MYT1L: variants seen among roughly 807,000 people sequenced by gnomAD.
The protein encoded by MYT1L is myelin transcription factor 1 like.
A neutral mutation model predicts 126.7 loss-of-function variants in MYT1L; 12 were observed. The observed-to-expected ratio is 0.09, with a 90% CI of 0.06 to 0.15. The LOEUF is 0.15. Among genes scored for constraint, MYT1L ranks in the 10% least tolerant of loss-of-function variants. The pLI, the probability that MYT1L is intolerant of heterozygous loss-of-function variation, is 1.00. For synonymous variants in MYT1L, 541 were observed against 604.2 expected (o/e 0.90, Z 1.53); for missense variants, 979 against 1,585.2 (o/e 0.62, Z 6.49).
At chr2:1,833,432 G>A (rs994007470) in intron 21 of MYT1L, among the ~76,000 whole-genome samples, 8 of 152,110 alleles carry the variant, frequency 5.3e-5, no homozygotes, top group African/African-American at 9.7e-5. Flanking sequence ...TGTTCACCGG[G>A]ACTGAGGACA....
At chr2:2,300,115 G>A (rs1367170987) in intron 1 of MYT1L, among the ~76,000 whole-genome samples, 2 of 152,196 alleles carry the variant, frequency 1.3e-5, no homozygotes, top group Non-Finnish European at 2.9e-5. Context: ...AAATTCTCCT[G>A]TGAAAATGTG....
At chr2:1,935,337 G>A (rs991849216) in intron 9 of MYT1L, among the ~76,000 whole-genome samples, 1 of 152,138 alleles carries the variant, frequency 6.6e-6, no homozygotes, top group Non-Finnish European at 1.5e-5. Flanking sequence ...AAAACACACC[G>A]TGTTTTGAAA....
chr2:1,895,783 A>AT (rs1558311905), intron 14 of MYT1L, among the ~76,000 whole-genome samples: 3 of 152,180 alleles, frequency 2.0e-5, no homozygotes, highest in African/African-American at 4.8e-5. Context: ...CTTGGCAAAT[A>AT]TTTTTTTTGA....
chr2:1,849,154 CAAAA>C (rs11332745), intron 19 of MYT1L, among the ~76,000 whole-genome samples: 2 of 145,440 alleles, frequency 1.4e-5, no homozygotes, highest in Admixed American at 6.9e-5. Context: ...CAACTCCCAC[CAAAA>C]AAAAAAAAAA....
chr2:2,059,259 C>A lies in MYT1L; in HGVS notation c.-303-5136G>T, dbSNP rs34296959. 2.3e-3 allele frequency among the ~76,000 whole-genome samples: 344 copies of A among 152,124 alleles called. 1 individual carries two copies. The highest frequency in any genetic ancestry group is 8.1e-3 in the African/African-American group (337 of 41,464). ...CTCTGGGTGAGGGCATCAACGGGGT[C>A]GCAACTGCTTTTCGCAGGATTGTTT... On this transcript the variant is annotated intron_variant, in intron 3 of 24. Transcript: ENST00000647738. This position sits in a 1 kb window ranked among gnomAD's most constrained non-coding sequence, Gnocchi z 4.7.
chr2:2,308,378 C>T (rs1271895514), intron 1 of MYT1L, among the ~76,000 whole-genome samples: 1 of 151,700 alleles, frequency 6.6e-6, no homozygotes, highest in Admixed American at 6.6e-5. Flanking sequence ...TATATTGTAC[C>T]CATACTCCAC....
At chr2:1,950,151 CT>C (rs36077813) in intron 8 of MYT1L, among the ~76,000 whole-genome samples, 18,593 of 151,848 alleles carry the variant, frequency 0.12, 1,318 homozygotes, top group East Asian at 0.31. Context: ...TTTTGAGTCA[CT>C]TGTGTAAAAT....
intron 8 of MYT1L, among the ~76,000 whole-genome samples, chr2:1,961,352 G>T (rs1286692190): frequency 6.6e-6 from 1 of 152,280 alleles, no homozygotes; most frequent in Non-Finnish European, 1.5e-5. Context: ...TGACTTGGAA[G>T]TCCAGCCCAC....
In MYT1L at chr2:2,304,689, T is replaced by G. The variant is rs558962520; in HGVS notation, c.-520-20186A>C. 5.3e-5 allele frequency among the ~76,000 whole-genome samples: 8 copies of G among 152,300 alleles called. No homozygotes were observed. The South Asian group carries it at 1.7e-3, about 32-fold the overall frequency. On this transcript the variant is annotated intron_variant, in intron 1 of 24. Transcript: ENST00000647738. ...AGCCCAGTCATAGGCAACACACAAA[T>G]GAATGGCCATGGCTGCTTCAGAAAA...
rs111573834 is a variant in MYT1L, at chr2:2,253,287, G to A, written c.-421+31117C>T. Among the ~76,000 whole-genome samples, 78 of 152,342 alleles carry A rather than the reference G, an allele frequency of 5.1e-4. 1 individual carries two copies. The highest frequency in any genetic ancestry group is 1.7e-3 in the African/African-American group (71 of 41,582). ...GGAGCCTCCCTTCTCTGGGAACAGGGCTCGCTGGCTTCCACACAGTGACTT... is the reference window on the plus strand; with the variant it reads ...GGAGCCTCCCTTCTCTGGGAACAGGACTCGCTGGCTTCCACACAGTGACTT... On this transcript the variant is annotated intron_variant, in intron 2 of 24. Coordinates refer to ENST00000647738, the MANE Select transcript of MYT1L (RefSeq NM_001303052.2).
chr2:2,283,980 C>T (rs867722203), intron 2 of MYT1L, among the ~76,000 whole-genome samples: 1 of 152,080 alleles, frequency 6.6e-6, no homozygotes, highest in African/African-American at 2.4e-5. Flanking sequence ...TGTGGCCTCA[C>T]CCAAAGCAGG....
At chr2:1,809,260 T>C in intron 21 of MYT1L, 93 bp from the exon 22 acceptor site, 1 of 1,226,538 alleles carries the variant, frequency 8.2e-7, no homozygotes, top group Non-Finnish European at 1.2e-6. Context: ...AATAGCATTA[T>C]TAGGTTGGTT....
chr2:1,987,606 A>G (rs1265532968), intron 5 of MYT1L, among the ~76,000 whole-genome samples: 3 of 152,162 alleles, frequency 2.0e-5, no homozygotes, highest in Non-Finnish European at 2.9e-5. Context: ...CATCTGTTCC[A>G]AGCTGGTTCT....
At chr2:2,303,283 T>C (rs909139461) in intron 1 of MYT1L, among the ~76,000 whole-genome samples, 5 of 152,202 alleles carry the variant, frequency 3.3e-5, no homozygotes, top group African/African-American at 9.6e-5. Flanking sequence ...CATGCTCGGC[T>C]TGGCGGGCCG....
intron 9 of MYT1L, among the ~76,000 whole-genome samples, chr2:1,937,292 C>T (rs894310261): frequency 7.2e-5 from 11 of 152,244 alleles, no homozygotes; most frequent in Admixed American, 2.0e-4. Context: ...TCAAGAAGTT[C>T]CTAACGTCCG....
chr2:2,009,563 T>C (rs144721935), intron 4 of MYT1L, among the ~76,000 whole-genome samples: 85 of 152,382 alleles, frequency 5.6e-4, no homozygotes, highest in Admixed American at 2.5e-3. Context: ...TTCTGCAACT[T>C]TGCCGAATTC....
chr2:2,101,094 A>C (rs1225075060), intron 3 of MYT1L, among the ~76,000 whole-genome samples: 1 of 152,186 alleles, frequency 6.6e-6, no homozygotes, highest in African/African-American at 2.4e-5. Context: ...TTTGACCTAG[A>C]ATTATTGCAA....
At chr2:2,149,216 T>G (rs950264979) in intron 3 of MYT1L, among the ~76,000 whole-genome samples, 2 of 152,210 alleles carry the variant, frequency 1.3e-5, no homozygotes, top group African/African-American at 4.8e-5. Flanking sequence ...TCATGTAAAA[T>G]TATCCTTAGA....
At chr2:2,309,711 C>T (rs2095925373) in intron 1 of MYT1L, among the ~76,000 whole-genome samples, 1 of 151,950 alleles carries the variant, frequency 6.6e-6, no homozygotes, top group East Asian at 1.9e-4. Flanking sequence ...TATACTCCAT[C>T]TACACTTCAG....
Sources: gnomAD v4.1 joint callset for allele counts (sites outside exome capture counted in the v4.1 genomes callset) on GRCh38, gnomAD v4.1.1 for gene constraint, Gnocchi (gnomAD v3.1) non-coding constraint, MANE v1.5 for transcripts, NCBI Gene and HGNC (gene_info 2026-07-23, HGNC 2026-07-21) for gene names.